Variants in ABCA8 observed in about 807,000 individuals in gnomAD.
ABCA8 encodes the protein ATP binding cassette subfamily A member 8.
In ABCA8, 177 loss-of-function variants were observed where a neutral mutation model predicts 192.3. The observed-to-expected ratio is 0.92, with a 90% CI of 0.81 to 1.04. The LOEUF (loss-of-function observed/expected upper bound fraction) is 1.04, where lower values mean the gene tolerates loss of function less well. Among genes scored for constraint, ABCA8 ranks in the 50% least tolerant of loss-of-function variants. The pLI is 0.00. For synonymous variants in ABCA8, 642 were observed against 690.2 expected (o/e 0.93, Z 1.09); for missense variants, 1,915 against 1,904.8 (o/e 1.01, Z -0.10).
chr17:68,948,650 C>T (rs765166657), intron 2 of ABCA8, among the ~76,000 whole-genome samples: 8 of 152,042 alleles, frequency 5.3e-5, no homozygotes, highest in Non-Finnish European at 1.0e-4. Context: ...AGCCCTTTGT[C>T]AGATGGGTAG....
chr17:68,912,926 T>C (rs1244593246), intron 17 of ABCA8, among the ~76,000 whole-genome samples: 1 of 152,198 alleles, frequency 6.6e-6, no homozygotes, highest in Non-Finnish European at 1.5e-5. Flanking sequence ...TAGAACATTT[T>C]ATGCAATGGC....
rs1351998329 is a variant in ABCA8, at chr17:68,902,953, G to A, written c.2598-74C>T. On this transcript the variant is annotated intron_variant, in intron 20 of 39. Transcript: ENST00000586539. Reference sequence around the variant, plus strand: ...TAATACTCTCTGAGCAGTTTATAATGTAATGGGATAAAGAAATTATAAAAA... The same window carrying A: ...TAATACTCTCTGAGCAGTTTATAATATAATGGGATAAAGAAATTATAAAAA... The A allele has an allele frequency of 3.2e-6, 4 of 1,252,064 alleles. No individual in the cohort carries two copies. The Admixed American group carries it at 7.0e-5, about 22-fold the overall frequency. 77.6% of individuals were successfully genotyped at this position (1,252,064 alleles called of 1,614,324 possible).
intron 1 of ABCA8, among the ~76,000 whole-genome samples, chr17:68,950,110 T>G (rs2068528858): frequency 6.6e-6 from 1 of 152,082 alleles, no homozygotes. Context: ...GGATACAAAA[T>G]CAATGTGCAA....
intron 17 of ABCA8, among the ~76,000 whole-genome samples, chr17:68,916,491 C>T (rs991479349): frequency 6.6e-6 from 1 of 151,844 alleles, no homozygotes; most frequent in African/African-American, 2.4e-5. Flanking sequence ...CTCATGTACC[C>T]CCATAAATCT....
At chr17:68,950,235 A>T (rs2068534131) in intron 1 of ABCA8, among the ~76,000 whole-genome samples, 1 of 152,232 alleles carries the variant, frequency 6.6e-6, no homozygotes, top group Non-Finnish European at 1.5e-5. Context: ...ATAGATAGGA[A>T]GAATCAATAT....
rs1004750874 is a variant in ABCA8 at position 68,918,566 on chromosome 17, T to C, written c.1789-20A>G. 18 of 1,465,854 alleles carry C rather than the reference T, an allele frequency of 1.2e-5. No homozygotes were observed. In the African/African-American group the frequency reaches 2.0e-4, roughly 16 times the overall value. The allele number at this position is 1,465,854 out of a possible 1,614,324, so 90.8% of individuals were successfully genotyped here. A position where few individuals can be genotyped will look rare whatever the true frequency, so the allele number is the denominator to read the frequency against. On this transcript the variant is annotated intron_variant, in intron 14 of 39. Transcript: ENST00000586539. ...TTGTATCTAACCAAAAGACAGTATT[T>C]ATGTCATACACCAAAATTTATTCCT... is the stretch of plus-strand genomic sequence containing the variant.
At position 68,887,026 on chromosome 17, in the gene ABCA8, A is replaced by G; in HGVS notation, c.3420T>C (p.Cys1140=). 3 of 1,599,592 alleles carry G rather than the reference A, an allele frequency of 1.9e-6. No individual in the cohort carries two copies. In the East Asian group the frequency reaches 6.7e-5, roughly 36 times the overall value. Residue 1140 remains cysteine, a synonymous_variant, in exon 26 of 40, where the codon TGT becomes TGC. Transcript: ENST00000586539. ...CAAGAAATATACTTACAACATAGAA[A>G]CAAAATGACCAAATGCCACTATTTT... is the stretch of plus-strand genomic sequence containing the variant. The part of the protein sequence containing the change: ...GRKNSGIWSF[C]FYVVTVFSVA...
chr17:68,906,196 CAA>C, intron 18 of ABCA8, 33 bp from the exon 19 acceptor site: 1 of 1,426,826 alleles, frequency 7.0e-7, no homozygotes, highest in Non-Finnish European at 9.2e-7. Context: ...TGAATTAAAA[CAA>C]GAATCACAAG....
chr17:68,899,984 C>T (rs2143459762), intron 21 of ABCA8, among the ~76,000 whole-genome samples: 1 of 152,124 alleles, frequency 6.6e-6, no homozygotes, highest in African/African-American at 2.4e-5. Context: ...CTGTAAACAC[C>T]TATGTTAAAT....
intron 37 of ABCA8, among the ~76,000 whole-genome samples, 195 bp downstream of exon 37, chr17:68,875,065 C>T (rs2066163100): frequency 6.6e-6 from 1 of 152,118 alleles, no homozygotes; most frequent in Admixed American, 6.5e-5. Flanking sequence ...CAGGACAGCC[C>T]CTGGCGCATA....
intron 4 of ABCA8, among the ~76,000 whole-genome samples, chr17:68,939,421 A>G (rs1251749627): frequency 1.3e-5 from 2 of 152,102 alleles, no homozygotes; most frequent in Non-Finnish European, 2.9e-5. Context: ...AATACCGCAT[A>G]TCCCCTATCC....
chr17:68,933,394 T>C (rs938091899), intron 5 of ABCA8, 123 bp from the exon 6 acceptor site: 1 of 616,448 alleles, frequency 1.6e-6, no homozygotes, highest in African/African-American at 1.9e-5. Context: ...AATGTTCTTA[T>C]TTTGACTCAA....
intron 31 of ABCA8, among the ~76,000 whole-genome samples, chr17:68,881,659 G>A (rs544339335): frequency 1.3e-5 from 2 of 152,206 alleles, no homozygotes; most frequent in African/African-American, 4.8e-5. Context: ...AGAGCTTATG[G>A]TTTAGTTGTA....
At chr17:68,901,663 C>G (rs1410172041) in intron 21 of ABCA8, among the ~76,000 whole-genome samples, 1 of 152,072 alleles carries the variant, frequency 6.6e-6, no homozygotes, top group Admixed American at 6.6e-5. Context: ...AAAAAATTAG[C>G]TGGCTGTGGT....
chr17:68,944,938 A>G (rs2068356680), intron 2 of ABCA8: 1 of 152,332 alleles, frequency 6.6e-6, no homozygotes, highest in Non-Finnish European at 1.5e-5. Context: ...AGGGAGAAAA[A>G]CATGTTGAGG....
At chr17:68,900,664 T>C (rs1417963284) in intron 21 of ABCA8, among the ~76,000 whole-genome samples, 2 of 151,338 alleles carry the variant, frequency 1.3e-5, no homozygotes, top group South Asian at 2.1e-4. Context: ...CCCTTATGAA[T>C]AGAGATGGAA....
rs780663983 is a variant in ABCA8, at chr17:68,894,292, C to T, written c.2917G>A (p.Ala973Thr). The change falls in exon 23 of 40, where the codon GCA becomes ACA. Residue 973 changes from alanine to threonine, a missense_variant. Physicochemically the swap from Ala to Thr is moderately conservative, Grantham distance 58. Coordinates refer to ENST00000586539, the MANE Select transcript of ABCA8 (RefSeq NM_001288985.2). The part of the protein sequence containing the change: ...CNEKNYSFSL[A>T]CNAKRLNCFP... ...CAATTCAATCTTTTGGCATTGCATG[C>T]TAACGAAAAGCTGTAATTCTAAAAT... The T allele has an allele frequency of 1.1e-5, 18 of 1,608,982 alleles. 1 individual carries two copies. In the South Asian group the frequency reaches 2.0e-4, roughly 18 times the overall value.
rs2068670807 is a variant in ABCA8 at position 68,954,841 on chromosome 17, A to T, written c.-167+378T>A. ...ATGCCCTACATTATTGTGCAATCAA[A>T]GTAGATAACTTTAACTTCAAAAACA... On this transcript the variant is annotated intron_variant, in intron 1 of 39. Coordinates refer to ENST00000586539, the MANE Select transcript of ABCA8 (RefSeq NM_001288985.2). Among the ~76,000 whole-genome samples the T allele has an allele frequency of 2.0e-5, 3 of 152,202 alleles. No individual in the cohort carries two copies. In the South Asian group the frequency reaches 6.2e-4, roughly 31 times the overall value.
chr17:68,889,567 A>G (rs936479783), intron 24 of ABCA8, among the ~76,000 whole-genome samples: 17 of 152,186 alleles, frequency 1.1e-4, no homozygotes, highest in African/African-American at 3.4e-4. Context: ...TTCTCAAACA[A>G]GAAAAAGTAC....
Sources: allele counts gnomAD v4.1 joint callset (sites outside exome capture counted in the v4.1 genomes callset), GRCh38; gene constraint gnomAD v4.1.1; transcripts MANE v1.5; gene names NCBI Gene and HGNC (gene_info 2026-07-23, HGNC 2026-07-21).